Variants in WARS1 observed in about 807,000 individuals in gnomAD.
WARS1 encodes the protein tryptophanyl-tRNA synthetase 1.
In WARS1, 17 loss-of-function variants were observed where a neutral mutation model predicts 47.8. The ratio of observed to expected loss-of-function variants is 0.36; its 90% CI spans 0.24 to 0.53. The LOEUF is 0.53. WARS1 is among the 20% of genes least tolerant of loss of function. The pLI, the probability that WARS1 is intolerant of heterozygous loss-of-function variation, is 0.91. For synonymous variants in WARS1, 208 were observed against 228.1 expected (o/e 0.91, Z 0.79); for missense variants, 434 against 608.0 (o/e 0.71, Z 3.01).
chr14:100,352,523 T>C (rs530603387), intron 6 of WARS1, among the ~76,000 whole-genome samples: 11 of 152,314 alleles, frequency 7.2e-5, no homozygotes, highest in African/African-American at 2.6e-4. Flanking sequence ...GTGTCCCTCT[T>C]ATCCTGCCTC....
At chr14:100,358,381 C>T (rs1595443826) in intron 4 of WARS1, among the ~76,000 whole-genome samples, 2 of 152,306 alleles carry the variant, frequency 1.3e-5, no homozygotes, top group African/African-American at 2.4e-5. Context: ...ATCCGCCTGC[C>T]TTGGCCTCCC....
rs568790586 is a variant in WARS1 at position 100,344,101 on chromosome 14, CCT to C, written c.827-716_827-715del. Among the ~76,000 whole-genome samples the C allele has an allele frequency of 8.7e-3, 1,324 of 151,564 alleles. 20 individuals carry two copies. The highest frequency in any genetic ancestry group is 0.031 in the African/African-American group (1,265 of 40,990). ...TCCCTCTCCCCACGGTCTCCCTCTC[CCT>C]CTCTTTCCACGGTCTCCCTCTGATG... On this transcript the variant is annotated intron_variant, in intron 7 of 10. Transcript: ENST00000392882.
intron 7 of WARS1, among the ~76,000 whole-genome samples, chr14:100,344,227 C>A (rs1008071861): frequency 6.6e-6 from 1 of 152,202 alleles, no homozygotes; most frequent in East Asian, 1.9e-4. Context: ...CAATTGCAGG[C>A]GCGCGCCGCC....
intron 2 of WARS1, among the ~76,000 whole-genome samples, chr14:100,363,470 C>T (rs746001217): frequency 1.3e-5 from 2 of 151,994 alleles, no homozygotes; most frequent in Non-Finnish European, 2.9e-5. Context: ...CCAAGGCGGG[C>T]GGATCGCCTG....
chr14:100,365,430 AT>A (rs1282568465), intron 2 of WARS1: 1 of 240,962 alleles, frequency 4.2e-6, no homozygotes. Context: ...AAATACAAAA[AT>A]TAGCCGGGTG....
In WARS1 at chr14:100,360,594, G is replaced by A. The variant is rs781696328; in HGVS notation, c.382C>T (p.Pro128Ser). ...NRIERATGQR[P>S]HHFLRRGIFF... ...ATGCCTCTGCGCAGGAAGTGGTGTGGTCTTTGGCCGGTGGCTCTCTCTATT... is the reference window on the plus strand; with the variant it reads ...ATGCCTCTGCGCAGGAAGTGGTGTGATCTTTGGCCGGTGGCTCTCTCTATT... Residue 128 changes from proline to serine, a missense_variant, in exon 4 of 11, where the codon CCA becomes TCA. By Grantham distance (74) the Pro-to-Ser change is moderately conservative. Transcript: ENST00000392882. The A allele has an allele frequency of 1.6e-5, 26 of 1,613,770 alleles. 1 individual carries two copies. Among genetic ancestry groups the A allele is most frequent in the Middle Eastern group, 3.3e-4 (2 of 6,082 alleles).
At chr14:100,345,212 A>G (rs1178920486) in intron 7 of WARS1, among the ~76,000 whole-genome samples, 1 of 143,588 alleles carries the variant, frequency 7.0e-6, no homozygotes, top group Non-Finnish European at 1.5e-5. Context: ...TGACAATGGC[A>G]GTTTTGTGGA....
chr14:100,339,969 C>G (rs1566836571), intron 9 of WARS1: 1 of 152,266 alleles, frequency 6.6e-6, no homozygotes, highest in African/African-American at 2.4e-5. Context: ...ACGGTAGGCA[C>G]ACAGCAGATG....
In WARS1 at chr14:100,337,219, C is replaced by T. The variant is rs763768262; in HGVS notation, c.1114-17G>A. Reference sequence around the variant, plus strand: ...CTTATTGACCTGCACCAGAAGAGGACACAGACACGCTCCTCAGTCCTGCTC... The same window carrying T: ...CTTATTGACCTGCACCAGAAGAGGATACAGACACGCTCCTCAGTCCTGCTC... On this transcript the variant is annotated splice_polypyrimidine_tract_variant and intron_variant, in intron 9 of 10. Coordinates refer to ENST00000392882, the MANE Select transcript of WARS1 (RefSeq NM_004184.4). 5 of 1,612,032 alleles carry T rather than the reference C, an allele frequency of 3.1e-6. No homozygotes were observed. The highest frequency in any genetic ancestry group is 3.3e-5 in the Admixed American group (2 of 59,976).
chr14:100,338,491 T>G lies in WARS1; in HGVS notation c.1114-1289A>C, dbSNP rs560491151. On this transcript the variant is annotated intron_variant, in intron 9 of 10. Transcript: ENST00000392882. ...CGTGTAGTCCAGTCTGGTCTTGAACTCCTGGGCTCAAGTGATCTGCCTGCC... is the reference window on the plus strand; with the variant it reads ...CGTGTAGTCCAGTCTGGTCTTGAACGCCTGGGCTCAAGTGATCTGCCTGCC... Among the ~76,000 whole-genome samples, 428 of 152,236 alleles carry G rather than the reference T, an allele frequency of 2.8e-3. 2 individuals are homozygous for G. The highest frequency in any genetic ancestry group is 5.0e-3 in the Non-Finnish European group (339 of 68,012).
chr14:100,340,084 C>A (rs1404465588), intron 9 of WARS1: 2 of 152,196 alleles, frequency 1.3e-5, no homozygotes, highest in African/African-American at 4.8e-5. Flanking sequence ...AAATCAGGCC[C>A]AGAGTGTCAG....
chr14:100,360,446 C>T, intron 4 of WARS1, 108 bp downstream of exon 4: 1 of 764,164 alleles, frequency 1.3e-6, no homozygotes, highest in Non-Finnish European at 2.1e-6. Flanking sequence ...CACAGCTGGC[C>T]ATCACTTTTC....
chr14:100,370,440 G>T (rs947348994), intron 1 of WARS1: 1 of 152,168 alleles, frequency 6.6e-6, no homozygotes, highest in Non-Finnish European at 1.5e-5. Context: ...ATGTAACTAC[G>T]TTACGAGTGC....
At chr14:100,368,954 T>C in intron 2 of WARS1, 133 bp downstream of exon 2, 1 of 507,006 alleles carries the variant, frequency 2.0e-6, no homozygotes, top group Non-Finnish European at 3.0e-6. Flanking sequence ...AGAGTGAAAT[T>C]CCCTCTCAAA....
intron 4 of WARS1, among the ~76,000 whole-genome samples, chr14:100,359,398 A>G (rs2140031838): frequency 6.6e-6 from 1 of 152,270 alleles, no homozygotes; most frequent in East Asian, 1.9e-4. Context: ...TGTTATGCCA[A>G]GTAAAAGAAG....
intron 1 of WARS1, among the ~76,000 whole-genome samples, 181 bp from the exon 2 acceptor site, chr14:100,369,439 A>G (rs1177185951): frequency 1.3e-5 from 2 of 151,782 alleles, no homozygotes; most frequent in Non-Finnish European, 2.9e-5. Flanking sequence ...AAGAAGAGGA[A>G]AACCATCAAA....
In WARS1 at chr14:100,353,995, T is replaced by C. The variant is rs373584708; in HGVS notation, c.543-126A>G. On this transcript the variant is annotated intron_variant, in intron 5 of 10. Coordinates refer to ENST00000392882, the MANE Select transcript of WARS1 (RefSeq NM_004184.4). ...AACTTCCTTGCCTACAAAATCACAA[T>C]TTGAATTGTGATATGAATTTGACTA... The C allele has an allele frequency of 7.2e-5, 60 of 827,986 alleles. No individual in the cohort carries two copies. The East Asian group carries it at 1.5e-3, about 21-fold the overall frequency. The allele number at this position is 827,986 out of a possible 1,614,324, so 51.3% of individuals were successfully genotyped here.
At chr14:100,343,523 G>C (rs971737780) in intron 7 of WARS1, 136 bp from the exon 8 acceptor site, 1 of 607,474 alleles carries the variant, frequency 1.6e-6, no homozygotes, top group Non-Finnish European at 2.8e-6. Context: ...CAGAAAAGTA[G>C]AAAGAACAAG....
chr14:100,349,218 G>A (rs1214999204), intron 6 of WARS1, among the ~76,000 whole-genome samples: 1 of 152,190 alleles, frequency 6.6e-6, no homozygotes, highest in Non-Finnish European at 1.5e-5. Context: ...ATGCAGTGCA[G>A]GCACTATCAT....
Sources: allele counts gnomAD v4.1 joint callset (sites outside exome capture counted in the v4.1 genomes callset), GRCh38; gene constraint gnomAD v4.1.1; transcripts MANE v1.5; gene names NCBI Gene and HGNC (gene_info 2026-07-23, HGNC 2026-07-21).